Variants in ITPR1 observed in about 807,000 individuals in gnomAD.
ITPR1 encodes inositol 1,4,5-trisphosphate-gated calcium channel ITPR1.
Under a neutral mutation model 318.4 loss-of-function variants are expected in ITPR1, and 96 were observed. That is an observed-to-expected ratio of 0.30 (90% CI 0.26 to 0.36). ITPR1 has a LOEUF of 0.36. Among genes scored for constraint, ITPR1 ranks in the 10% least tolerant of loss-of-function variants. ITPR1 has a pLI of 1.00. For missense variants in ITPR1, 2,440 were observed against 3,460.2 expected (o/e 0.71, Z 7.40); for synonymous variants, 1,312 against 1,289.9 (o/e 1.02, Z -0.37).
intron 4 of ITPR1, among the ~76,000 whole-genome samples, chr3:4,602,003 C>T (rs1306387142): frequency 6.6e-6 from 1 of 152,134 alleles, no homozygotes; most frequent in African/African-American, 2.4e-5. Flanking sequence ...AGTGAGAAAT[C>T]CCTAGGATGG....
chr3:4,622,029 C>G (rs1350526625), intron 4 of ITPR1, among the ~76,000 whole-genome samples: 1 of 151,606 alleles, frequency 6.6e-6, no homozygotes, highest in Non-Finnish European at 1.5e-5. Flanking sequence ...GTCCCTGTCA[C>G]TGGTATTGTG....
chr3:4,783,988 GGGCT>G, intron 51 of ITPR1, 68 bp downstream of exon 51: 2 of 1,047,312 alleles, frequency 1.9e-6, no homozygotes, highest in Admixed American at 4.3e-5. Context: ...CCCTGCTCTG[GGGCT>G]GGCGTGCATT....
chr3:4,617,988 CA>C (rs71053433), intron 4 of ITPR1, among the ~76,000 whole-genome samples: 40,183 of 131,648 alleles, frequency 0.31, 7,368 homozygotes, highest in African/African-American at 0.56. Flanking sequence ...GTGCGTATCT[CA>C]AAAAAAAAAA....
chr3:4,599,382 G>A (rs2091097844), intron 4 of ITPR1, among the ~76,000 whole-genome samples: 2 of 152,200 alleles, frequency 1.3e-5, no homozygotes, highest in Non-Finnish European at 2.9e-5. Flanking sequence ...TACCCTTACA[G>A]TTTGGGAGAT....
Position 4,682,319 on chromosome 3 carries a change from C to T in ITPR1, c.3161+901C>T, listed in dbSNP as rs188701228. Reference sequence around the variant, plus strand: ...GGATAGCTTGGGCTTCTTTACAGCACGGTGGCTGACTCAAAAAGCAAATGT... The same window carrying T: ...GGATAGCTTGGGCTTCTTTACAGCATGGTGGCTGACTCAAAAAGCAAATGT... On this transcript the variant is annotated intron_variant, in intron 26 of 61. Transcript: ENST00000649015. Among the ~76,000 whole-genome samples, 400 of 152,312 alleles carry T rather than the reference C, an allele frequency of 2.6e-3. 1 individual carries two copies. Among genetic ancestry groups the T allele is most frequent in the African/African-American group, 8.2e-3 (342 of 41,552 alleles).
intron 4 of ITPR1, among the ~76,000 whole-genome samples, chr3:4,524,074 G>A (rs1417907217): frequency 6.6e-6 from 1 of 152,174 alleles, no homozygotes; most frequent in Non-Finnish European, 1.5e-5. Context: ...GGAAAATCTG[G>A]TTCAAAACAA....
chr3:4,751,893 G>A (rs764164915), intron 44 of ITPR1, among the ~76,000 whole-genome samples: 1 of 152,224 alleles, frequency 6.6e-6, no homozygotes, highest in Non-Finnish European at 1.5e-5. Context: ...CTGACTTGAT[G>A]TTCACAGTTG....
rs1195853700 is a variant in ITPR1 at position 4,818,899 on chromosome 3, TC to T, written c.8028+659del. ...CGCTGTGGGTGTCCCGGGCCAGCTGTCCTTTCAGACCTGTGCTTTCCGAACA... is the reference window on the plus strand; with the variant it reads ...CGCTGTGGGTGTCCCGGGCCAGCTGTCTTTCAGACCTGTGCTTTCCGAACA... On this transcript the variant is annotated intron_variant, in intron 60 of 61. Coordinates refer to ENST00000649015, the MANE Select transcript of ITPR1 (RefSeq NM_001378452.1). Among the ~76,000 whole-genome samples, 3 of 152,150 alleles carry T rather than the reference TC, an allele frequency of 2.0e-5. No individual in the cohort carries two copies. In the East Asian group the frequency reaches 5.8e-4, roughly 29 times the overall value.
intron 44 of ITPR1, chr3:4,751,149 G>A (rs565997901): frequency 1.0e-4 from 16 of 152,688 alleles, no homozygotes; most frequent in East Asian, 9.6e-4. Flanking sequence ...AAGCAATGAC[G>A]TCTCTGTCTC....
chr3:4,567,743 A>G (rs111771128), intron 4 of ITPR1, among the ~76,000 whole-genome samples: 6,433 of 152,200 alleles, frequency 0.042, 208 homozygotes, highest in Middle Eastern at 0.061. Flanking sequence ...CTGGGACTAC[A>G]GGCATGCGTC....
chr3:4,766,516 A>T lies in ITPR1; in HGVS notation c.5545-14A>T, dbSNP rs2045830309. 1 of 1,612,440 alleles carries T rather than the reference A, an allele frequency of 6.2e-7. No homozygotes were observed. Among genetic ancestry groups the T allele is most frequent in the African/African-American group, 1.3e-5 (1 of 74,850 alleles). Reference sequence around the variant, plus strand: ...CAGTTACAGTGTTCACAATCTATGGATTTTCCTTTGCAGCACTCCTTTTTC... The same window carrying T: ...CAGTTACAGTGTTCACAATCTATGGTTTTTCCTTTGCAGCACTCCTTTTTC... On this transcript the variant is annotated splice_polypyrimidine_tract_variant and intron_variant, in intron 44 of 61. Transcript: ENST00000649015.
At position 4,668,755 on chromosome 3, in the gene ITPR1, C is replaced by T. The variant is rs111713158; in HGVS notation, c.1887-899C>T. On this transcript the variant is annotated intron_variant, in intron 18 of 61. Transcript: ENST00000649015. The stretch of plus-strand genomic sequence containing the variant: ...TGCTGGGATTACAGGCGTGAGCCAC[C>T]GCGCTCGGCCTCATTCACTTTTTAG... Among the ~76,000 whole-genome samples, 897 of 152,280 alleles carry T rather than the reference C, an allele frequency of 5.9e-3. 16 individuals carry two copies. The highest frequency in any genetic ancestry group is 0.021 in the African/African-American group (863 of 41,570).
chr3:4,679,639 G>T (rs1348054767), intron 24 of ITPR1, among the ~76,000 whole-genome samples: 1 of 152,208 alleles, frequency 6.6e-6, no homozygotes, highest in Admixed American at 6.5e-5. Flanking sequence ...TCAAATGCCA[G>T]TCCATTCTGG....
chr3:4,784,582 T>TA (rs1553744554), intron 51 of ITPR1, among the ~76,000 whole-genome samples: 4,472 of 146,266 alleles, frequency 0.031, 91 homozygotes, highest in South Asian at 0.046. Context: ...TTTTTTTTTT[T>TA]AAAAAAGGTG....
chr3:4,821,453 C>T (rs1307810689), intron 60 of ITPR1, among the ~76,000 whole-genome samples: 1 of 152,232 alleles, frequency 6.6e-6, no homozygotes, highest in Non-Finnish European at 1.5e-5. Flanking sequence ...CAGACAGCAG[C>T]ATCAGGGATG....
Position 4,502,055 on chromosome 3 carries a change from T to A in ITPR1, c.-17+7549T>A, listed in dbSNP as rs573881454. 1.6e-3 allele frequency among the ~76,000 whole-genome samples: 251 copies of A among 152,346 alleles called. 1 individual carries two copies. The highest frequency in any genetic ancestry group is 2.3e-3 in the Non-Finnish European group (155 of 68,034). On this transcript the variant is annotated intron_variant, in intron 2 of 61. Transcript: ENST00000649015. ...AATGATTTTCTTTTGCAAGAACAGC[T>A]TAAAAGCATCCCAAGCACATATTTC...
At chr3:4,829,962 T>TTTG (rs1553764106) in intron 60 of ITPR1, among the ~76,000 whole-genome samples, 1 of 93,308 alleles carries the variant, frequency 1.1e-5, no homozygotes, top group Non-Finnish European at 2.4e-5. Flanking sequence ...CAGTTTTTTT[T>TTTG]TTTTTTTTTT....
At chr3:4,788,966 C>T (rs1464048632) in intron 52 of ITPR1, among the ~76,000 whole-genome samples, 1 of 152,202 alleles carries the variant, frequency 6.6e-6, no homozygotes, top group Non-Finnish European at 1.5e-5. Flanking sequence ...GAGCTTTCGT[C>T]TTCTCCGTGA....
chr3:4,668,515 TG>T (rs2094000966), intron 18 of ITPR1, among the ~76,000 whole-genome samples: 1 of 152,084 alleles, frequency 6.6e-6, no homozygotes, highest in African/African-American at 2.4e-5. Flanking sequence ...TCACCCAGGC[TG>T]GAGGGCAGTG....
Sources: gnomAD v4.1 joint callset for allele counts (sites outside exome capture counted in the v4.1 genomes callset) on GRCh38, gnomAD v4.1.1 for gene constraint, MANE v1.5 for transcripts, NCBI Gene and HGNC (gene_info 2026-07-23, HGNC 2026-07-21) for gene names.